Variants in TMEM51 observed in about 807,000 individuals in gnomAD.
TMEM51 encodes chromosome 1 open reading frame 72.
TMEM51 carries 8 observed loss-of-function variants against 13.6 expected under a neutral mutation model. The ratio of observed to expected loss-of-function variants is 0.59; its 90% CI spans 0.35 to 1.07. The LOEUF (loss-of-function observed/expected upper bound fraction) is 1.07. TMEM51 is among the 50% of genes least tolerant of loss of function. TMEM51 has a pLI of 0.02. For synonymous variants in TMEM51, 147 were observed against 144.4 expected (o/e 1.02, Z -0.13); for missense variants, 279 against 330.7 (o/e 0.84, Z 1.21).
At chr1:15,190,846 G>A (rs1419683113) in intron 1 of TMEM51, among the ~76,000 whole-genome samples, 3 of 152,044 alleles carry the variant, frequency 2.0e-5, no homozygotes, top group Non-Finnish European at 4.4e-5. Context: ...GGAGTGCAGT[G>A]GCCCTATTTC....
chr1:15,206,479 AC>A (rs1644252654), intron 1 of TMEM51, among the ~76,000 whole-genome samples: 2 of 152,088 alleles, frequency 1.3e-5, no homozygotes, highest in South Asian at 4.1e-4. Context: ...CTTTGTGGGA[AC>A]CCGCATAGTG....
chr1:15,165,562 G>C (rs943075191), intron 1 of TMEM51, among the ~76,000 whole-genome samples: 2 of 152,130 alleles, frequency 1.3e-5, no homozygotes, highest in Non-Finnish European at 2.9e-5. Context: ...AAAGCACTTA[G>C]CTTTAAAACA....
intron 3 of TMEM51, among the ~76,000 whole-genome samples, chr1:15,216,294 A>G (rs1427685347): frequency 1.3e-5 from 2 of 152,312 alleles, no homozygotes; most frequent in African/African-American, 4.8e-5. Flanking sequence ...GGAAGATATG[A>G]TAATAGTTGA....
intron 1 of TMEM51, among the ~76,000 whole-genome samples, chr1:15,204,616 G>A (rs1031317481): frequency 2.6e-5 from 4 of 152,168 alleles, no homozygotes; most frequent in African/African-American, 7.2e-5. Context: ...GAATGAGGAC[G>A]GCCTAAACAA....
At chr1:15,160,489 G>C (rs1256326801) in intron 1 of TMEM51, among the ~76,000 whole-genome samples, 2 of 151,934 alleles carry the variant, frequency 1.3e-5, no homozygotes, top group African/African-American at 4.8e-5. Context: ...GGCCAAGCTG[G>C]TCTTGAACTC....
intron 1 of TMEM51, chr1:15,171,112 G>GCCCCATCCCCCCCCCCCC: frequency 2.5e-6 from 1 of 404,842 alleles, no homozygotes; most frequent in Non-Finnish European, 3.8e-6. Context: ...TCCACCCCCC[G>GCCCCATCCCCCCCCCCCC]CCACATCCCC....
chr1:15,216,836 C>T (rs1644439990), intron 3 of TMEM51, among the ~76,000 whole-genome samples: 1 of 152,120 alleles, frequency 6.6e-6, no homozygotes, highest in Non-Finnish European at 1.5e-5. Flanking sequence ...GGATATAATA[C>T]AGCATCTTTG....
rs1644412121 is a variant in TMEM51, at chr1:15,215,308, T to C, written c.221T>C (p.Val74Ala). The C allele has an allele frequency of 6.2e-7, 1 of 1,613,970 alleles. No individual in the cohort carries two copies. Reference sequence around the variant, plus strand: ...GCCTACGTGCTGGTCGGGGCCGGGGTGATGCTGCTGCTGCTTTCTATCTGC... The same window carrying C: ...GCCTACGTGCTGGTCGGGGCCGGGGCGATGCTGCTGCTGCTTTCTATCTGC... Reference protein sequence around the residue: ...SVAYVLVGAGVMLLLLSICLS... With the variant: ...SVAYVLVGAGAMLLLLSICLS... Residue 74 changes from valine to alanine, a missense_variant, in exon 3 of 4, where the codon GTG becomes GCG. Val to Ala is a moderately conservative substitution (Grantham distance 64). Coordinates refer to ENST00000376008, the MANE Select transcript of TMEM51 (RefSeq NM_001136218.2).
chr1:15,220,045 T>G lies in TMEM51; in HGVS notation c.*302T>G. 2.7e-6 allele frequency: 1 copy of G among 367,164 alleles called. No homozygotes were observed. Among genetic ancestry groups the G allele is most frequent in the Non-Finnish European group, 4.9e-6 (1 of 202,174 alleles). 22.7% of individuals were successfully genotyped at this position (367,164 alleles called of 1,614,324 possible). A position where few individuals can be genotyped will look rare whatever the true frequency, so the allele number is the denominator to read the frequency against. Reference sequence around the variant, plus strand: ...TTCACTCCGAATCGCTGGCGACACATTCTCCTTTCCAGCTAGGAAAGGGTT... The same window carrying G: ...TTCACTCCGAATCGCTGGCGACACAGTCTCCTTTCCAGCTAGGAAAGGGTT... On this transcript the variant is annotated 3_prime_UTR_variant, in exon 4 of 4. Coordinates refer to ENST00000376008, the MANE Select transcript of TMEM51 (RefSeq NM_001136218.2).
chr1:15,202,762 T>C (rs747305075), intron 1 of TMEM51, among the ~76,000 whole-genome samples: 9 of 152,214 alleles, frequency 5.9e-5, no homozygotes, highest in Non-Finnish European at 1.0e-4. Flanking sequence ...TTTTTCCATA[T>C]AGGCTAGAAG....
chr1:15,211,831 C>G (rs1005532750), intron 2 of TMEM51, among the ~76,000 whole-genome samples: 4 of 121,800 alleles, frequency 3.3e-5, no homozygotes, highest in South Asian at 6.0e-4. Flanking sequence ...ACCCCCCCCC[C>G]CCCCCCGGGA....
intron 3 of TMEM51, among the ~76,000 whole-genome samples, chr1:15,217,397 A>G (rs72642345): frequency 0.075 from 11,476 of 152,240 alleles, 572 homozygotes; most frequent in Middle Eastern, 0.11. Context: ...ACAATTTCCA[A>G]ATTAAACTCA....
At chr1:15,164,424 C>T (rs753296464) in intron 1 of TMEM51, 21 of 455,952 alleles carry the variant, frequency 4.6e-5, no homozygotes, top group Non-Finnish European at 7.5e-5. Context: ...GATGTCTTCT[C>T]GTGACTGGAC....
At chr1:15,163,985 A>G (rs1212002779) in intron 1 of TMEM51, among the ~76,000 whole-genome samples, 1 of 151,874 alleles carries the variant, frequency 6.6e-6, no homozygotes, top group Non-Finnish European at 1.5e-5. Flanking sequence ...ATGCACCACC[A>G]TGCCTGGCTA....
intron 3 of TMEM51, among the ~76,000 whole-genome samples, chr1:15,218,953 C>G (rs1013687111): frequency 1.8e-4 from 27 of 152,336 alleles, no homozygotes; most frequent in African/African-American, 6.5e-4. Context: ...TAGCCCTGCT[C>G]CACAAGAAGC....
intron 2 of TMEM51, among the ~76,000 whole-genome samples, chr1:15,212,972 G>A (rs886219947): frequency 6.6e-6 from 1 of 152,236 alleles, no homozygotes; most frequent in African/African-American, 2.4e-5. Context: ...CACATACACA[G>A]TGCTGTGCAT....
At chr1:15,153,093 G>A (rs1306800806), upstream of TMEM51, among the ~76,000 whole-genome samples, 1 of 152,218 alleles carries the variant, frequency 6.6e-6, no homozygotes, top group Non-Finnish European at 1.5e-5. Context: ...CATCGGGTGG[G>A]GACCCTGGCC....
intron 1 of TMEM51, chr1:15,168,479 G>T (rs1468824765): frequency 2.3e-6 from 3 of 1,300,676 alleles, no homozygotes. Flanking sequence ...GAATGTATAA[G>T]TTCCAATTTT....
chr1:15,197,249 C>T (rs1041324177), intron 1 of TMEM51, among the ~76,000 whole-genome samples: 1 of 152,154 alleles, frequency 6.6e-6, no homozygotes, highest in Non-Finnish European at 1.5e-5. Context: ...CAGGCCTGGG[C>T]ATGTGCCTGC....
Sources: allele counts gnomAD v4.1 joint callset (sites outside exome capture counted in the v4.1 genomes callset), GRCh38; gene constraint gnomAD v4.1.1; transcripts MANE v1.5; gene names NCBI Gene and HGNC (gene_info 2026-07-23, HGNC 2026-07-21).